Variants in NEK1 observed in about 807,000 individuals in gnomAD.
NEK1 encodes NIMA related kinase 1, also known as serine/threonine-protein kinase Nek1.
In NEK1, 137 loss-of-function variants were observed where a neutral mutation model predicts 182.1. The observed-to-expected ratio is 0.75, with a 90% confidence interval of 0.65 to 0.87. NEK1 has a LOEUF of 0.87. Ranked by LOEUF, NEK1 falls within the 40% of genes least tolerant of loss-of-function variation. The pLI is 0.00. For missense variants in NEK1, 1,391 were observed against 1,494.4 expected (o/e 0.93, Z 1.14); for synonymous variants, 513 against 492.2 (o/e 1.04, Z -0.56).
At chr4:169,547,342 G>A (rs1760665745) in intron 18 of NEK1, among the ~76,000 whole-genome samples, 1 of 152,172 alleles carries the variant, frequency 6.6e-6, no homozygotes, top group South Asian at 2.1e-4. Flanking sequence ...AGAGAGATCT[G>A]CTGTTAGTCC....
intron 4 of NEK1, among the ~76,000 whole-genome samples, chr4:169,600,475 A>G (rs918600112): frequency 2.0e-5 from 3 of 151,986 alleles, no homozygotes; most frequent in Non-Finnish European, 4.4e-5. Flanking sequence ...TGAAATTACA[A>G]TTGTGAGCCA....
Position 169,610,328 on chromosome 4 carries a change from T to C in NEK1, c.-49+1692A>G, listed in dbSNP as rs540289659. 4.4e-3 allele frequency among the ~76,000 whole-genome samples: 669 copies of C among 152,090 alleles called. 2 individuals carry two copies. The highest frequency in any genetic ancestry group is 0.015 in the African/African-American group (623 of 41,450). ...AGAATTTCTTTCTTTTTTTCTTTTTTCTTTGAGACAAGCCTCACTCAGTCG... is the reference window on the plus strand; with the variant it reads ...AGAATTTCTTTCTTTTTTTCTTTTTCCTTTGAGACAAGCCTCACTCAGTCG... On this transcript the variant is annotated intron_variant, in intron 2 of 35. Transcript: ENST00000507142.
At chr4:169,417,309 T>C (rs541669237) in intron 31 of NEK1, among the ~76,000 whole-genome samples, 1 of 152,300 alleles carries the variant, frequency 6.6e-6, no homozygotes, top group African/African-American at 2.4e-5. Context: ...ATATGAAACC[T>C]TGTAGACCAT....
chr4:169,579,764 G>A (rs1007764098), intron 11 of NEK1, among the ~76,000 whole-genome samples: 6 of 151,032 alleles, frequency 4.0e-5, no homozygotes, highest in Admixed American at 6.6e-5. Context: ...ACTCCAGCCC[G>A]GCGACAGAGC....
intron 31 of NEK1, among the ~76,000 whole-genome samples, chr4:169,415,056 A>G (rs564993308): frequency 4.3e-4 from 66 of 152,352 alleles, no homozygotes; most frequent in Middle Eastern, 3.4e-3. Flanking sequence ...ACTGCATGGC[A>G]TGCCTTTGCA....
chr4:169,604,698 C>T (rs528841053), intron 2 of NEK1, among the ~76,000 whole-genome samples: 1 of 152,272 alleles, frequency 6.6e-6, no homozygotes, highest in South Asian at 2.1e-4. Flanking sequence ...AAATGACAAA[C>T]ATCATATGCT....
At chr4:169,477,378 T>A in intron 25 of NEK1, 26 bp from the exon 26 acceptor site, 1 of 1,548,680 alleles carries the variant, frequency 6.5e-7, no homozygotes, top group Non-Finnish European at 8.8e-7. Context: ...TTATATATTT[T>A]AATATGTATA....
intron 30 of NEK1, among the ~76,000 whole-genome samples, chr4:169,425,355 G>C (rs900718991): frequency 1.3e-5 from 2 of 151,592 alleles, no homozygotes; most frequent in Non-Finnish European, 2.9e-5. Flanking sequence ...CCAGGAGTTC[G>C]AGGCTGCAGT....
At chr4:169,488,794 C>T (rs540000892) in intron 23 of NEK1, among the ~76,000 whole-genome samples, 1 of 152,034 alleles carries the variant, frequency 6.6e-6, no homozygotes. Flanking sequence ...ACACTACCCC[C>T]CAATATAACA....
chr4:169,540,356 C>G (rs1759205311), intron 18 of NEK1, among the ~76,000 whole-genome samples: 1 of 152,038 alleles, frequency 6.6e-6, no homozygotes, highest in Non-Finnish European at 1.5e-5. Context: ...TTTTATGGCT[C>G]CTTACACTGT....
chr4:169,584,722 G>A (rs555940126), intron 10 of NEK1, among the ~76,000 whole-genome samples: 1 of 152,296 alleles, frequency 6.6e-6, no homozygotes, highest in Non-Finnish European at 1.5e-5. Flanking sequence ...CACTTTATGT[G>A]TATTATCACT....
At chr4:169,417,095 T>G (rs143946373) in intron 31 of NEK1, among the ~76,000 whole-genome samples, 1 of 152,212 alleles carries the variant, frequency 6.6e-6, no homozygotes, top group African/African-American at 2.4e-5. Flanking sequence ...GGATGGCAAT[T>G]ACTAGAAATG....
intron 18 of NEK1, among the ~76,000 whole-genome samples, chr4:169,549,656 CA>C (rs1761118985): frequency 6.6e-6 from 1 of 152,126 alleles, no homozygotes; most frequent in Non-Finnish European, 1.5e-5. Context: ...CTCCTGACCT[CA>C]GGTGATCTGC....
chr4:169,530,727 T>C (rs1280016926), intron 19 of NEK1, among the ~76,000 whole-genome samples: 2 of 151,152 alleles, frequency 1.3e-5, no homozygotes, highest in Non-Finnish European at 2.9e-5. Flanking sequence ...ACGAGAGATG[T>C]GACTACAGAA....
At chr4:169,491,762 A>T (rs538409671) in intron 23 of NEK1, among the ~76,000 whole-genome samples, 1 of 152,324 alleles carries the variant, frequency 6.6e-6, no homozygotes, top group South Asian at 2.1e-4. Context: ...TCAAATTGCT[A>T]TTATAAAGGT....
chr4:169,569,684 G>A (rs940082865), intron 12 of NEK1, among the ~76,000 whole-genome samples: 36 of 152,260 alleles, frequency 2.4e-4, no homozygotes, highest in African/African-American at 8.7e-4. Context: ...GGTGGAGACG[G>A]GGTTTCGCTG....
chr4:169,485,186 TG>T (rs369910287), intron 23 of NEK1, among the ~76,000 whole-genome samples: 1 of 152,340 alleles, frequency 6.6e-6, no homozygotes, highest in African/African-American at 2.4e-5. Flanking sequence ...AAATGCATAC[TG>T]ATCTCTCCTC....
chr4:169,398,923 C>A (rs902754632), intron 35 of NEK1, among the ~76,000 whole-genome samples: 2 of 152,070 alleles, frequency 1.3e-5, no homozygotes, highest in African/African-American at 2.4e-5. Context: ...GAAATAAATT[C>A]TTGTTCAAAA....
rs1312619422 is a variant in NEK1, at chr4:169,590,742, C to T, written c.380G>A (p.Arg127Gln). 4.4e-6 allele frequency: 7 copies of T among 1,591,596 alleles called. No individual in the cohort carries two copies. Among genetic ancestry groups the T allele is most frequent in the African/African-American group, 1.3e-5 (1 of 74,500 alleles). Reference protein sequence around the residue: ...KHVHDRKILHRDIKSQNIFLT... With the variant: ...KHVHDRKILHQDIKSQNIFLT... ...ATAACATACCTGAGATTTAATGTCTCGATGAAGAATTTTTCTATCATGTAC... is the reference window on the plus strand; with the variant it reads ...ATAACATACCTGAGATTTAATGTCTTGATGAAGAATTTTTCTATCATGTAC... Residue 127 changes from arginine to glutamine, a missense_variant, in exon 6 of 36, where the codon CGA becomes CAA. Arg to Gln is a conservative substitution (Grantham distance 43, BLOSUM62 1). Coordinates refer to ENST00000507142, the MANE Select transcript of NEK1 (RefSeq NM_001199397.3).
Sources: gnomAD v4.1 joint callset for allele counts (sites outside exome capture counted in the v4.1 genomes callset) on GRCh38, gnomAD v4.1.1 for gene constraint, MANE v1.5 for transcripts, NCBI Gene and HGNC (gene_info 2026-07-23, HGNC 2026-07-21) for gene names.